Variants in GNB1 observed in about 807,000 individuals in gnomAD.
GNB1 encodes G protein subunit beta 1.
In GNB1, 2 loss-of-function variants were observed where a neutral mutation model predicts 42.9. The ratio of observed to expected loss-of-function variants is 0.05; its 90% CI spans 0.02 to 0.15. The LOEUF (loss-of-function observed/expected upper bound fraction) is 0.15. Among genes scored for constraint, GNB1 ranks in the 10% least tolerant of loss-of-function variants. GNB1 has a pLI of 1.00. For missense variants in GNB1, 193 were observed against 462.2 expected (o/e 0.42, Z 5.34); for synonymous variants, 183 against 174.7 (o/e 1.05, Z -0.38).
intron 1 of GNB1, among the ~76,000 whole-genome samples, chr1:1,866,857 G>GT (rs1453263798): frequency 6.6e-6 from 1 of 152,156 alleles, no homozygotes; most frequent in Non-Finnish European, 1.5e-5. Context: ...AGGAGGCTGA[G>GT]GCAGGAGAAT....
chr1:1,785,792 T>C lies in GNB1; in HGVS notation c.*1271A>G, dbSNP rs1340783914. ...ACCCTCAGAATCCAACAGCAGTCGT[T>C]TGCAACAGAACTTTTTTTTTTTTAA... On this transcript the variant is annotated 3_prime_UTR_variant, in exon 12 of 12. Transcript: ENST00000378609. 2 of 376,168 alleles carry C rather than the reference T, an allele frequency of 5.3e-6. No homozygotes were observed. The highest frequency in any genetic ancestry group is 3.8e-5 in the East Asian group (1 of 26,568). 23.3% of individuals were successfully genotyped at this position (376,168 alleles called of 1,614,324 possible). A position where few individuals can be genotyped will look rare whatever the true frequency, so the allele number is the denominator to read the frequency against.
intron 1 of GNB1, among the ~76,000 whole-genome samples, chr1:1,854,757 G>C (rs1282464469): frequency 3.3e-5 from 5 of 152,190 alleles, no homozygotes; most frequent in Non-Finnish European, 7.3e-5. Context: ...AAATTAAAAA[G>C]TGCAGTGGCT....
At chr1:1,867,080 A>G (rs578148235) in intron 1 of GNB1, among the ~76,000 whole-genome samples, 67 of 152,314 alleles carry the variant, frequency 4.4e-4, no homozygotes, top group African/African-American at 1.6e-3. Flanking sequence ...CAGCCTGGCC[A>G]ACATGGCGAA....
At chr1:1,852,407 T>C (rs1017507953) in intron 1 of GNB1, among the ~76,000 whole-genome samples, 2 of 152,200 alleles carry the variant, frequency 1.3e-5, no homozygotes, top group African/African-American at 4.8e-5. Context: ...TTTTTTTGTA[T>C]TTTTAGTAGA....
intron 5 of GNB1, among the ~76,000 whole-genome samples, chr1:1,813,775 G>A (rs1646813960): frequency 6.6e-6 from 1 of 152,218 alleles, no homozygotes; most frequent in African/African-American, 2.4e-5. Context: ...AGAGGCATGA[G>A]CCAATGTGCC....
chr1:1,866,635 T>TAAAA (rs35188163), intron 1 of GNB1, among the ~76,000 whole-genome samples: 101 of 146,494 alleles, frequency 6.9e-4, no homozygotes, highest in East Asian at 2.0e-3. Context: ...CTGATGAGCT[T>TAAAA]AAAAAAAAAA....
chr1:1,864,314 C>CAAAAAAAAAAAAAAAAAAAAAAAAA (rs1173466617), intron 1 of GNB1, among the ~76,000 whole-genome samples: 2 of 37,934 alleles, frequency 5.3e-5, no homozygotes, highest in Non-Finnish European at 9.8e-5. Context: ...AAGACTCTCT[C>CAAAAAAAAAAAAAAAAAAAAAAAAA]AAAAAAAAAA....
Position 1,843,517 on chromosome 1 carries a change from G to A in GNB1, c.-95-4279C>T, listed in dbSNP as rs12023148. ...GCTGGGATTGCAGGCACAAGGCACC[G>A]CACCCAGCTGCTCTATTTTAATGCC... On this transcript the variant is annotated intron_variant, in intron 1 of 11. Coordinates refer to ENST00000378609, the MANE Select transcript of GNB1 (RefSeq NM_002074.5). 4.2e-4 allele frequency among the ~76,000 whole-genome samples: 64 copies of A among 152,234 alleles called. No homozygotes were observed. In the East Asian group the frequency reaches 8.7e-3, roughly 21 times the overall value.
intron 1 of GNB1, among the ~76,000 whole-genome samples, chr1:1,839,471 G>A (rs575096764): frequency 6.6e-6 from 1 of 152,246 alleles, no homozygotes; most frequent in Non-Finnish European, 1.5e-5. Flanking sequence ...AAATGCCCCA[G>A]GGAAAATACC....
At chr1:1,866,202 A>C (rs1390026615) in intron 1 of GNB1, among the ~76,000 whole-genome samples, 2 of 152,260 alleles carry the variant, frequency 1.3e-5, no homozygotes, top group African/African-American at 4.8e-5. Context: ...GGTCTCTCAA[A>C]GTGCTGAGAT....
intron 7 of GNB1, 200 bp from the exon 8 acceptor site, chr1:1,793,511 C>G: frequency 2.2e-6 from 1 of 446,144 alleles, no homozygotes; most frequent in Non-Finnish European, 4.2e-6. Flanking sequence ...CCTGGCCAGG[C>G]AGGACAGCAC....
chr1:1,785,903 GCAA>G lies in GNB1; in HGVS notation c.*1157_*1159del, dbSNP rs1646400146. ...TGCTTCCGATATGTGCCACAGAGCA[GCAA>G]CGAGAAGTGGACAGAGCCGCAATGG... is the stretch of plus-strand genomic sequence containing the variant. On this transcript the variant is annotated 3_prime_UTR_variant, in exon 12 of 12. Transcript: ENST00000378609. 5.0e-6 allele frequency: 2 copies of G among 398,618 alleles called. No individual in the cohort carries two copies. Among genetic ancestry groups the G allele is most frequent in the African/African-American group, 4.1e-5 (2 of 48,522 alleles). The allele number at this position is 398,618 out of a possible 1,614,324, so 24.7% of individuals were successfully genotyped here. A position where few individuals can be genotyped will look rare whatever the true frequency, so the allele number is the denominator to read the frequency against.
intron 2 of GNB1, among the ~76,000 whole-genome samples, chr1:1,828,525 C>G (rs1054402368): frequency 1.3e-5 from 2 of 152,132 alleles, no homozygotes; most frequent in African/African-American, 4.8e-5. Flanking sequence ...TACCAAAAAT[C>G]TAAGTATCTT....
chr1:1,862,858 C>G (rs1320927822), intron 1 of GNB1, among the ~76,000 whole-genome samples: 3 of 152,160 alleles, frequency 2.0e-5, no homozygotes, highest in Non-Finnish European at 4.4e-5. Context: ...GGCATCACAC[C>G]TTGGAGACTC....
chr1:1,851,021 G>A (rs759727084), intron 1 of GNB1, among the ~76,000 whole-genome samples: 42 of 152,302 alleles, frequency 2.8e-4, no homozygotes, highest in Non-Finnish European at 4.7e-4. Flanking sequence ...TGTAATCCCA[G>A]CACTTTGGGA....
rs572181405 is a variant in GNB1 at position 1,846,151 on chromosome 1, A to G, written c.-95-6913T>C. Reference sequence around the variant, plus strand: ...GAGGGTCAACATGACGAACAATGGTAATGGAATATACCTTACTGGATCTAA... The same window carrying G: ...GAGGGTCAACATGACGAACAATGGTGATGGAATATACCTTACTGGATCTAA... On this transcript the variant is annotated intron_variant, in intron 1 of 11. Transcript: ENST00000378609. 3.9e-5 allele frequency among the ~76,000 whole-genome samples: 6 copies of G among 152,226 alleles called. No homozygotes were observed. The East Asian group carries it at 1.2e-3, about 29-fold the overall frequency.
intron 1 of GNB1, among the ~76,000 whole-genome samples, chr1:1,865,224 A>G (rs1648860594): frequency 6.8e-6 from 1 of 147,148 alleles, no homozygotes; most frequent in Non-Finnish European, 1.5e-5. Context: ...ATCACGCCAC[A>G]GAACTCCAGC....
chr1:1,814,732 G>A (rs940818073), intron 5 of GNB1, among the ~76,000 whole-genome samples: 15 of 147,112 alleles, frequency 1.0e-4, no homozygotes, highest in African/African-American at 2.8e-4. Context: ...AGCCTAGGAC[G>A]TCGAGGCTGC....
chr1:1,788,910 C>T (rs1158045984), intron 10 of GNB1, 143 bp downstream of exon 10: 4 of 635,152 alleles, frequency 6.3e-6, no homozygotes, highest in Non-Finnish European at 8.4e-6. Flanking sequence ...GCTGGGCCAT[C>T]AGTTTGCGAC....
Sources: allele counts gnomAD v4.1 joint callset (sites outside exome capture counted in the v4.1 genomes callset), GRCh38; gene constraint gnomAD v4.1.1; transcripts MANE v1.5; gene names NCBI Gene and HGNC (gene_info 2026-07-23, HGNC 2026-07-21).